RAB3GAP1: variants seen among roughly 807,000 people sequenced by gnomAD.
RAB3GAP1 encodes RAB3 GTPase activating protein catalytic subunit 1.
RAB3GAP1 carries 86 observed loss-of-function variants against 130.7 expected under a neutral mutation model. That is an observed-to-expected ratio of 0.66 (90% CI 0.55 to 0.79). The LOEUF (loss-of-function observed/expected upper bound fraction) is 0.79. RAB3GAP1 is among the 30% of genes least tolerant of loss of function. RAB3GAP1 has a pLI of 0.00. For synonymous variants in RAB3GAP1, 367 were observed against 401.7 expected, an observed-to-expected ratio of 0.91 and a Z score of 1.03; for missense variants, 1,029 against 1,169.4, an observed-to-expected ratio of 0.88 and a Z score of 1.75.
rs373368633 is a variant in RAB3GAP1 at position 135,104,106 on chromosome 2, C to T, written c.363-9045C>T. ...ATCTGTGCTCAAATTATTGGTTTAC[C>T]TGCAAACTATACAGACAAGAGGTAG... is the stretch of plus-strand genomic sequence containing the variant. On this transcript the variant is annotated intron_variant, in intron 5 of 23. Coordinates refer to ENST00000264158, the MANE Select transcript of RAB3GAP1 (RefSeq NM_012233.3). 1.2e-4 allele frequency among the ~76,000 whole-genome samples: 18 copies of T among 152,262 alleles called. No individual in the cohort carries two copies. In the South Asian group the frequency reaches 3.5e-3, roughly 30 times the overall value.
chr2:135,118,454 A>T (rs1691092933), intron 7 of RAB3GAP1, among the ~76,000 whole-genome samples: 1 of 152,078 alleles, frequency 6.6e-6, no homozygotes, highest in Non-Finnish European at 1.5e-5. Context: ...AACTTTCATA[A>T]CTTCATCTTT....
chr2:135,130,598 A>G lies in RAB3GAP1; in HGVS notation c.1113A>G (p.Ala371=), dbSNP rs780827916. ...THALSKLTEP[A]SVPIHKLSVS... ...CTTTGTCAAAATTGACAGAGCCGGCATCAGTTCCAATTCATAAATTATCAG... is the reference window on the plus strand; with the variant it reads ...CTTTGTCAAAATTGACAGAGCCGGCGTCAGTTCCAATTCATAAATTATCAG... The change falls in exon 13 of 24, where the codon GCA becomes GCG. Residue 371 remains alanine (A), a synonymous_variant. Transcript: ENST00000264158. 3 of 1,613,872 alleles carry G rather than the reference A, an allele frequency of 1.9e-6. No homozygotes were observed. In the East Asian group the frequency reaches 6.7e-5, roughly 36 times the overall value.
chr2:135,057,948 A>G, intron 2 of RAB3GAP1, 63 bp from the exon 3 acceptor site: 1 of 1,179,970 alleles, frequency 8.5e-7, no homozygotes, highest in Non-Finnish European at 1.2e-6. Flanking sequence ...TTTTAAAGAA[A>G]TTACATAATA....
intron 5 of RAB3GAP1, among the ~76,000 whole-genome samples, chr2:135,109,253 G>A (rs987429492): frequency 6.6e-6 from 1 of 152,012 alleles, no homozygotes; most frequent in African/African-American, 2.4e-5. Flanking sequence ...TGAATCTGTA[G>A]ATGAAGTTGG....
chr2:135,157,364 A>C (rs532004955), intron 19 of RAB3GAP1, among the ~76,000 whole-genome samples: 1 of 152,318 alleles, frequency 6.6e-6, no homozygotes, highest in Admixed American at 6.5e-5. Context: ...AAAGAGGAAA[A>C]ATAAACCTGA....
chr2:135,152,679 G>T (rs963142053), intron 18 of RAB3GAP1, among the ~76,000 whole-genome samples: 10 of 152,118 alleles, frequency 6.6e-5, no homozygotes, highest in African/African-American at 2.4e-4. Flanking sequence ...TGCCCTTAGG[G>T]GTATATCCTA....
chr2:135,168,784 C>G lies in RAB3GAP1; in HGVS notation c.*3C>G, dbSNP rs557164937. The G allele has an allele frequency of 6.2e-7, 1 of 1,606,850 alleles. No individual in the cohort carries two copies. On this transcript the variant is annotated 3_prime_UTR_variant, in exon 24 of 24. Transcript: ENST00000264158. ...CATCAGATACTTCCTTCTTCTGATTCTTCTAGCATTACTCGTTGGTGGCTT... is the reference window on the plus strand; with the variant it reads ...CATCAGATACTTCCTTCTTCTGATTGTTCTAGCATTACTCGTTGGTGGCTT...
chr2:135,143,346 A>T (rs1691899666), intron 17 of RAB3GAP1, among the ~76,000 whole-genome samples: 1 of 151,958 alleles, frequency 6.6e-6, no homozygotes, highest in Non-Finnish European at 1.5e-5. Flanking sequence ...CTGATCTATA[A>T]GAGGGTTTTA....
chr2:135,095,587 TTAATG>T lies in RAB3GAP1; in HGVS notation c.362+1898_362+1902del, dbSNP rs367808669. ...GTGTCTAAACTATAAATGTGATACA[TTAATG>T]TAAGAGGTACAATCTTACCCCTCTT... On this transcript the variant is annotated intron_variant, in intron 5 of 23. Transcript: ENST00000264158. Among the ~76,000 whole-genome samples, 30 of 152,332 alleles carry T rather than the reference TTAATG, an allele frequency of 2.0e-4. No homozygotes were observed. The East Asian group carries it at 4.6e-3, about 23-fold the overall frequency.
At chr2:135,052,513 G>C (rs778660212) in intron 2 of RAB3GAP1, 28 bp downstream of exon 2, 1 of 1,612,478 alleles carries the variant, frequency 6.2e-7, no homozygotes, top group Non-Finnish European at 8.5e-7. Flanking sequence ...TTGGTTACCA[G>C]CTCCCATGGG....
In RAB3GAP1 at chr2:135,163,023, T is replaced by C. The variant is rs535748502; in HGVS notation, c.2528T>C (p.Ile843Thr). 3.1e-6 allele frequency: 5 copies of C among 1,613,908 alleles called. No individual in the cohort carries two copies. The South Asian group carries it at 4.4e-5, about 14-fold the overall frequency. ...CAGATTACTAATGTGGAAGCTCTCA[T>C]TGCCAGAGCTCGGTCACTAAAAGCC... ...IHQITNVEALIARARSLKAKF... is the reference protein window; with the variant it reads ...IHQITNVEALTARARSLKAKF... The change falls in exon 22 of 24, where the codon ATT becomes ACT. Residue 843 changes from isoleucine (I) to threonine (T), a missense_variant. Coordinates refer to ENST00000264158, the MANE Select transcript of RAB3GAP1 (RefSeq NM_012233.3).
chr2:135,057,890 ATG>A, intron 2 of RAB3GAP1, 119 bp from the exon 3 acceptor site: 1 of 723,650 alleles, frequency 1.4e-6, no homozygotes, highest in Non-Finnish European at 2.4e-6. Flanking sequence ...GCAATACTAA[ATG>A]TACTGAGTCC....
At chr2:135,069,497 G>A (rs2104839324) in intron 3 of RAB3GAP1, among the ~76,000 whole-genome samples, 2 of 151,696 alleles carry the variant, frequency 1.3e-5, no homozygotes, top group African/African-American at 4.8e-5. Context: ...ATATAAATTG[G>A]CAAGTTTTAT....
At chr2:135,069,896 T>A (rs989035182) in intron 3 of RAB3GAP1, among the ~76,000 whole-genome samples, 7 of 152,150 alleles carry the variant, frequency 4.6e-5, no homozygotes, top group East Asian at 1.9e-4. Flanking sequence ...GGAAAAAAAA[T>A]TTTTATCTGA....
intron 19 of RAB3GAP1, among the ~76,000 whole-genome samples, chr2:135,156,181 T>C (rs558282059): frequency 6.6e-6 from 1 of 152,226 alleles, no homozygotes; most frequent in Non-Finnish European, 1.5e-5. Context: ...CAAATTTTCA[T>C]AGAGACAATT....
intron 3 of RAB3GAP1, among the ~76,000 whole-genome samples, chr2:135,084,260 A>T (rs1224197267): frequency 6.6e-6 from 1 of 152,158 alleles, no homozygotes; most frequent in Non-Finnish European, 1.5e-5. Context: ...AATAAAAACA[A>T]TAATCAATTT....
intron 13 of RAB3GAP1, among the ~76,000 whole-genome samples, chr2:135,131,079 C>T (rs905988555): frequency 2.6e-5 from 4 of 152,110 alleles, no homozygotes; most frequent in Admixed American, 1.3e-4. Context: ...GCATGTTGAA[C>T]GGTTGATATT....
chr2:135,093,917 G>C (rs1283166822), intron 5 of RAB3GAP1, among the ~76,000 whole-genome samples: 1 of 152,182 alleles, frequency 6.6e-6, no homozygotes, highest in African/African-American at 2.4e-5. Context: ...TCCTAATGGA[G>C]TCAGGCAAGA....
At chr2:135,130,881 G>T (rs940091800) in intron 13 of RAB3GAP1, among the ~76,000 whole-genome samples, 160 bp downstream of exon 13, 1 of 152,228 alleles carries the variant, frequency 6.6e-6, no homozygotes, top group Non-Finnish European at 1.5e-5. Context: ...GAGAAGGAAA[G>T]TAAATAGTAG....
Sources: allele counts gnomAD v4.1 joint callset (sites outside exome capture counted in the v4.1 genomes callset), GRCh38; gene constraint gnomAD v4.1.1; transcripts MANE v1.5; gene names NCBI Gene and HGNC (gene_info 2026-07-23, HGNC 2026-07-21).